ZNF567: variants seen among roughly 807,000 people sequenced by gnomAD.
The protein encoded by ZNF567 is zinc finger protein 567.
In ZNF567, 36 loss-of-function variants were observed where a neutral mutation model predicts 53.9. That is an observed-to-expected ratio of 0.67 (90% CI 0.51 to 0.88). The LOEUF (loss-of-function observed/expected upper bound fraction) is 0.88. ZNF567 is among the 40% of genes least tolerant of loss of function. The pLI, the probability that ZNF567 is intolerant of heterozygous loss-of-function variation, is 0.00. For synonymous variants in ZNF567, 224 were observed against 260.4 expected (o/e 0.86, Z 1.35); for missense variants, 619 against 764.7 (o/e 0.81, Z 2.25).
At chr19:36,715,984 A>G (rs956541435) in intron 5 of ZNF567, among the ~76,000 whole-genome samples, 11 of 152,232 alleles carry the variant, frequency 7.2e-5, no homozygotes, top group African/African-American at 2.4e-4. Context: ...GATGTCATAC[A>G]AAATGACAAC....
In ZNF567 at chr19:36,720,522, CA is replaced by C; in HGVS notation, c.1799del (p.Gln600ArgfsTer50). 1 of 1,613,964 alleles carries C rather than the reference CA, an allele frequency of 6.2e-7. No homozygotes were observed. Among genetic ancestry groups the C allele is most frequent in the Non-Finnish European group, 8.5e-7 (1 of 1,179,982 alleles). The stretch of plus-strand genomic sequence containing the variant: ...TAGTGAATGTGGAAAGTGCTTCCGC[CA>C]GAAGACAAATCTTATTGTACATCAG... ...KCSECGKCFR[Q>X]KTNLIVHQRT... is the part of the protein sequence containing the mutation. On this transcript the variant is annotated frameshift_variant, in exon 6 of 6. Transcript: ENST00000682579. LOFTEE classifies it high-confidence loss of function.
In ZNF567 at chr19:36,715,967, T is replaced by G. The variant is rs146657788; in HGVS notation, c.224-2981T>G. ...ATTGACATCCTCCCATATTCTGATTTCTCACTGATGTCATACAAAATGACA... is the reference window on the plus strand; with the variant it reads ...ATTGACATCCTCCCATATTCTGATTGCTCACTGATGTCATACAAAATGACA... On this transcript the variant is annotated intron_variant, in intron 5 of 5. Coordinates refer to ENST00000682579, the MANE Select transcript of ZNF567 (RefSeq NM_001322917.1). Among the ~76,000 whole-genome samples the G allele has an allele frequency of 1.4e-3, 217 of 152,364 alleles. 1 individual carries two copies. Among genetic ancestry groups the G allele is most frequent in the Non-Finnish European group, 2.2e-3 (149 of 68,036 alleles).
At chr19:36,709,403 C>A (rs2039660279) in intron 3 of ZNF567, among the ~76,000 whole-genome samples, 1 of 152,128 alleles carries the variant, frequency 6.6e-6, no homozygotes, top group Admixed American at 6.5e-5. Flanking sequence ...TATACTCTTA[C>A]AATTTTTCTT....
chr19:36,721,098 T>C lies in ZNF567; in HGVS notation c.*430T>C, dbSNP rs1170555870. ...TAGCCTATAACATCAAAACGTAGTT[T>C]TTGCATGTTTTCAATTTTATAAATA... On this transcript the variant is annotated 3_prime_UTR_variant, in exon 6 of 6. Coordinates refer to ENST00000682579, the MANE Select transcript of ZNF567 (RefSeq NM_001322917.1). The C allele has an allele frequency of 6.6e-6, 1 of 152,334 alleles. No homozygotes were observed. Among genetic ancestry groups the C allele is most frequent in the Non-Finnish European group, 1.5e-5 (1 of 68,118 alleles). The allele number at this position is 152,334 out of a possible 1,614,324, so 9.4% of individuals were successfully genotyped here.
At chr19:36,695,990 CT>C (rs1168843489) in intron 3 of ZNF567, among the ~76,000 whole-genome samples, 1 of 152,186 alleles carries the variant, frequency 6.6e-6, no homozygotes, top group Non-Finnish European at 1.5e-5. Context: ...AACTGAGAAT[CT>C]TGTGTTTCTT....
At chr19:36,675,622 G>A in the ZNF567 span, among the ~76,000 whole-genome samples, 4 of 152,154 alleles carry the variant, frequency 2.6e-5, no homozygotes, top group East Asian at 1.9e-4. Flanking sequence ...GCAGTGAGCC[G>A]AGATTGCACC....
Position 36,694,982 on chromosome 19 carries a change from C to G in ZNF567, c.9+106C>G, listed in dbSNP as rs542502620. 1.6e-5 allele frequency: 21 copies of G among 1,289,052 alleles called. No individual in the cohort carries two copies. In the African/African-American group the frequency reaches 3.1e-4, roughly 19 times the overall value. 79.9% of individuals were successfully genotyped at this position (1,289,052 alleles called of 1,614,324 possible). A position where few individuals can be genotyped will look rare whatever the true frequency, so the allele number is the denominator to read the frequency against. On this transcript the variant is annotated intron_variant, in intron 3 of 5. Coordinates refer to ENST00000682579, the MANE Select transcript of ZNF567 (RefSeq NM_001322917.1). ...GTCCTACATCCTCCTACCTATCTTTCCCTTCAGAAAACTGGTCCTCACTTC... is the reference window on the plus strand; with the variant it reads ...GTCCTACATCCTCCTACCTATCTTTGCCTTCAGAAAACTGGTCCTCACTTC...
intron 1 of ZNF567, 68 bp from the exon 2 acceptor site, chr19:36,689,329 A>G (rs899747557): frequency 2.7e-5 from 4 of 150,828 alleles, no homozygotes; most frequent in African/African-American, 9.8e-5. Context: ...TGAAATGTGA[A>G]AGGATACATG....
chr19:36,671,709 C>CT, the ZNF567 span, among the ~76,000 whole-genome samples: 1 of 152,172 alleles, frequency 6.6e-6, no homozygotes, highest in South Asian at 2.1e-4. Context: ...TAGAAAACGA[C>CT]TCTTCAGAGG....
chr19:36,691,057 A>G (rs996355755), intron 2 of ZNF567, among the ~76,000 whole-genome samples: 1 of 152,230 alleles, frequency 6.6e-6, no homozygotes, highest in Non-Finnish European at 1.5e-5. Context: ...TTAACCAAGT[A>G]CAGTGCCACT....
rs1166267670 is a variant in ZNF567, at chr19:36,718,974, T to C, written c.250T>C (p.Leu84=). Residue 84 remains leucine, a synonymous_variant, in exon 6 of 6, where the codon TTA becomes CTA. Transcript: ENST00000682579. The part of the protein sequence containing the change: ...LEENWKAEDF[L]VKFKEHQEKY... ...AGAAAACTGGAAAGCTGAAGACTTT[T>C]TAGTGAAATTCAAGGAACACCAAGA... 2 of 1,566,230 alleles carry C rather than the reference T, an allele frequency of 1.3e-6. No homozygotes were observed. Among genetic ancestry groups the C allele is most frequent in the South Asian group, 1.2e-5 (1 of 82,988 alleles).
chr19:36,693,221 C>T (rs901506687), intron 2 of ZNF567, among the ~76,000 whole-genome samples: 2 of 152,012 alleles, frequency 1.3e-5, no homozygotes, highest in South Asian at 4.2e-4. Context: ...CCAGTGAGGC[C>T]GACGCTGCAA....
chr19:36,706,369 C>T (rs929451339), intron 3 of ZNF567, among the ~76,000 whole-genome samples: 1 of 152,244 alleles, frequency 6.6e-6, no homozygotes, highest in African/African-American at 2.4e-5. Flanking sequence ...TCATGGCTCA[C>T]TTCAGCCTCA....
chr19:36,722,396 G>A (rs999370499), downstream of ZNF567, among the ~76,000 whole-genome samples: 1 of 152,030 alleles, frequency 6.6e-6, no homozygotes, highest in Non-Finnish European at 1.5e-5. Context: ...CTGCCTCCTG[G>A]GTTCAAACGA....
chr19:36,703,142 C>T (rs1430983240), intron 3 of ZNF567, among the ~76,000 whole-genome samples: 1 of 152,156 alleles, frequency 6.6e-6, no homozygotes, highest in East Asian at 1.9e-4. Flanking sequence ...TTCCTTCTAA[C>T]AGACAGGACC....
the ZNF567 span, among the ~76,000 whole-genome samples, chr19:36,677,362 G>A: frequency 6.6e-6 from 1 of 150,632 alleles, no homozygotes; most frequent in South Asian, 2.1e-4. Context: ...GGGAGGCTGA[G>A]GCAGGAGAAT....
rs2040275072 is a variant in ZNF567 at position 36,720,788 on chromosome 19, T to C, written c.*120T>C. The C allele has an allele frequency of 2.3e-6, 2 of 874,564 alleles. No individual in the cohort carries two copies. The highest frequency in any genetic ancestry group is 2.8e-5 in the East Asian group (1 of 35,942). 54.2% of individuals were successfully genotyped at this position (874,564 alleles called of 1,614,324 possible). A position where few individuals can be genotyped will look rare whatever the true frequency, so the allele number is the denominator to read the frequency against. On this transcript the variant is annotated 3_prime_UTR_variant, in exon 6 of 6. Transcript: ENST00000682579. ...ATCACAAGTCTAATAATTATTAAAG[T>C]ACCATACGGAATAACTGTCTACTGT...
intron 3 of ZNF567, among the ~76,000 whole-genome samples, chr19:36,704,882 A>G (rs2039412894): frequency 6.6e-6 from 1 of 152,214 alleles, no homozygotes; most frequent in South Asian, 2.1e-4. Flanking sequence ...TTGGTAATAG[A>G]ATGAAGACTG....
chr19:36,724,205 C>T (rs4544350), downstream of ZNF567, among the ~76,000 whole-genome samples: 170 of 151,588 alleles, frequency 1.1e-3, no homozygotes, highest in African/African-American at 3.8e-3. Flanking sequence ...AGGGTTTCTC[C>T]ATGTTGGTCA....
Sources: gnomAD v4.1 joint callset for allele counts (sites outside exome capture counted in the v4.1 genomes callset) on GRCh38, gnomAD v4.1.1 for gene constraint, MANE v1.5 for transcripts, NCBI Gene and HGNC (gene_info 2026-07-23, HGNC 2026-07-21) for gene names.